The following ZNF462 variants were observed in gnomAD, a reference collection of about 807,000 sequenced individuals.
ZNF462 encodes the protein zinc finger PBX1-interacting protein.
Under a neutral mutation model 201.9 loss-of-function variants are expected in ZNF462, and 10 were observed. That is an observed-to-expected ratio of 0.05 (90% CI 0.03 to 0.08). ZNF462 has a LOEUF of 0.08. Ranked by LOEUF, ZNF462 falls within the 10% of genes least tolerant of loss-of-function variation. ZNF462 has a pLI of 1.00. For synonymous variants in ZNF462, 1,227 were observed against 1,193.3 expected (o/e 1.03, Z -0.58); for missense variants, 2,523 against 3,168.3 (o/e 0.80, Z 4.89).
chr9:107,012,576 T>G lies in ZNF462; in HGVS notation c.*1546T>G, dbSNP rs1458477366. ...ATGTTCTGATTGTGAACAAAGGGTTTCGTTCCAAAAAATAGAAAAGAACTT... is the reference window on the plus strand; with the variant it reads ...ATGTTCTGATTGTGAACAAAGGGTTGCGTTCCAAAAAATAGAAAAGAACTT... On this transcript the variant is annotated 3_prime_UTR_variant, in exon 13 of 13. Coordinates refer to ENST00000277225, the MANE Select transcript of ZNF462 (RefSeq NM_021224.6). 3.3e-5 allele frequency: 5 copies of G among 151,652 alleles called. No individual in the cohort carries two copies. Among genetic ancestry groups the G allele is most frequent in the African/African-American group, 1.2e-4 (5 of 41,324 alleles). 9.4% of individuals were successfully genotyped at this position (151,652 alleles called of 1,614,324 possible).
In ZNF462 at chr9:106,984,590, AAC is replaced by A. The variant is rs1827689747; in HGVS notation, c.7056+185_7056+186del. On this transcript the variant is annotated intron_variant, in intron 10 of 12. Transcript: ENST00000277225. This position sits in a 1 kb window ranked among gnomAD's most constrained non-coding sequence, Gnocchi z 6.4. ...GTAAGGTCATTTTTAAAAATTGCGA[AAC>A]ACAGGTTGGGTGGAAGGGAAATCAC... Among the ~76,000 whole-genome samples the A allele has an allele frequency of 6.6e-6, 1 of 152,176 alleles. No individual in the cohort carries two copies. Among genetic ancestry groups the A allele is most frequent in the Non-Finnish European group, 1.5e-5 (1 of 68,032 alleles).
chr9:106,949,097 A>C (rs1239534550), intron 7 of ZNF462, among the ~76,000 whole-genome samples: 4 of 152,230 alleles, frequency 2.6e-5, no homozygotes, highest in Non-Finnish European at 5.9e-5. Flanking sequence ...GTTCAGAGTA[A>C]TGGGCTAGAA....
chr9:106,927,136 G>A lies in ZNF462; in HGVS notation c.3224G>A (p.Gly1075Asp). The change falls in exon 3 of 13, where the codon GGC becomes GAC. Residue 1075 changes from glycine to aspartate, a missense_variant. Gly to Asp is a moderately conservative substitution (Grantham distance 94). Coordinates refer to ENST00000277225, the MANE Select transcript of ZNF462 (RefSeq NM_021224.6). ...ATGCGAATGGTGTCTGTGGACAGGG[G>A]CTCTGCCCTTTCTCAATTATCATTT... ...KTMRMVSVDR[G>D]SALSQLSFEV... 2 of 1,614,120 alleles carry A rather than the reference G, an allele frequency of 1.2e-6. No homozygotes were observed. The highest frequency in any genetic ancestry group is 1.7e-6 in the Non-Finnish European group (2 of 1,180,026).
intron 1 of ZNF462, among the ~76,000 whole-genome samples, chr9:106,910,253 T>C (rs888241840): frequency 1.3e-5 from 2 of 152,088 alleles, no homozygotes; most frequent in African/African-American, 4.8e-5. Flanking sequence ...ATAGAATCTC[T>C]GTTAATTGTT....
rs990425820 is a variant in ZNF462, at chr9:106,970,802, C to T, written c.6428-1203C>T. On this transcript the variant is annotated intron_variant, in intron 7 of 12. Coordinates refer to ENST00000277225, the MANE Select transcript of ZNF462 (RefSeq NM_021224.6). The surrounding 1 kb of genome is among the most constrained non-coding windows in gnomAD (Gnocchi z 4.2). ...CCTTTTACTTTTCCTCTCCCCCAAC[C>T]CCTTTATTTATTTATTTTTACTTTT... Among the ~76,000 whole-genome samples the T allele has an allele frequency of 2.0e-5, 3 of 151,458 alleles. No homozygotes were observed. Among genetic ancestry groups the T allele is most frequent in the Non-Finnish European group, 4.4e-5 (3 of 67,964 alleles).
At chr9:106,983,083 G>A (rs1827568428) in intron 9 of ZNF462, among the ~76,000 whole-genome samples, 1 of 152,170 alleles carries the variant, frequency 6.6e-6, no homozygotes, top group African/African-American at 2.4e-5. Flanking sequence ...TGCTATATTT[G>A]ATTCTTGCAT....
At chr9:106,976,895 G>GTT (rs1564146251) in intron 9 of ZNF462, among the ~76,000 whole-genome samples, 1 of 152,144 alleles carries the variant, frequency 6.6e-6, no homozygotes. Flanking sequence ...TGTCTAGTAA[G>GTT]TAATCCAGCT....
chr9:106,899,261 T>G (rs2131157495), intron 1 of ZNF462, among the ~76,000 whole-genome samples: 5 of 126,904 alleles, frequency 3.9e-5, no homozygotes, highest in Admixed American at 9.1e-5. Context: ...GGTGTGTGCA[T>G]GCATGCATGT....
At chr9:106,973,272 C>A (rs1327852859) in intron 8 of ZNF462, among the ~76,000 whole-genome samples, 1 of 151,940 alleles carries the variant, frequency 6.6e-6, no homozygotes, top group African/African-American at 2.4e-5. Flanking sequence ...ACATGCTTCA[C>A]ACCGAGAGGC....
Position 106,984,216 on chromosome 9 carries a change from G to A in ZNF462, c.6863G>A (p.Arg2288Gln), listed in dbSNP as rs1399589191. The A allele has an allele frequency of 4.3e-6, 7 of 1,613,768 alleles. No individual in the cohort carries two copies. The highest frequency in any genetic ancestry group is 1.3e-5 in the African/African-American group (1 of 74,850). Residue 2288 changes from arginine to glutamine, a missense_variant, in exon 10 of 13, where the codon CGG becomes CAG. Physicochemically the swap from Arg to Gln is conservative, Grantham distance 43. Transcript: ENST00000277225. This position sits in a 1 kb window ranked among gnomAD's most constrained non-coding sequence, Gnocchi z 6.4. ...EERVVPIEVC[R>Q]SKLSKYLQGV... ...CGTGTTGTCCCCATTGAAGTTTGCC[G>A]GTCCAAACTGTCCAAATACTTGCAG...
chr9:106,914,846 T>C (rs912751271), intron 1 of ZNF462, among the ~76,000 whole-genome samples: 2 of 151,912 alleles, frequency 1.3e-5, no homozygotes, highest in African/African-American at 2.4e-5. Flanking sequence ...GGGTTGGGAG[T>C]GGTGGCTAAG....
chr9:106,869,451 C>A (rs1300392355), intron 1 of ZNF462, among the ~76,000 whole-genome samples: 2 of 152,184 alleles, frequency 1.3e-5, no homozygotes, highest in Non-Finnish European at 2.9e-5. Context: ...CAATGGGTTT[C>A]CACTTCTGTC....
Position 106,927,204 on chromosome 9 carries a change from T to TTG in ZNF462, c.3292_3293insTG (p.Ser1098LeufsTer44). ...GTCTCCCAAAATGTCCAACATGGGT[T>TTG]CCCCACCCCCCCCACAACCCCCGCC... On this transcript the variant is annotated frameshift_variant, in exon 3 of 13. Transcript: ENST00000277225. LOFTEE classifies it high-confidence loss of function. The TTG allele has an allele frequency of 6.4e-7, 1 of 1,570,626 alleles. No individual in the cohort carries two copies. The highest frequency in any genetic ancestry group is 8.7e-7 in the Non-Finnish European group (1 of 1,149,974).
chr9:107,009,465 G>A lies in ZNF462; in HGVS notation c.7190-80G>A, dbSNP rs981912493. On this transcript the variant is annotated intron_variant, in intron 11 of 12. Coordinates refer to ENST00000277225, the MANE Select transcript of ZNF462 (RefSeq NM_021224.6). The surrounding 1 kb of genome is among the most constrained non-coding windows in gnomAD (Gnocchi z 6.1). ...GCTTTATCAGTGAAGGTAGGAGAGA[G>A]GGTATCCTAATGAATGCTGACTTAC... 3.8e-6 allele frequency: 6 copies of A among 1,569,606 alleles called. No individual in the cohort carries two copies. The African/African-American group carries it at 6.7e-5, about 18-fold the overall frequency.
chr9:106,904,984 G>T (rs569958900), intron 1 of ZNF462, among the ~76,000 whole-genome samples: 1 of 152,220 alleles, frequency 6.6e-6, no homozygotes, highest in African/African-American at 2.4e-5. Flanking sequence ...TTGTGGGGGG[G>T]TGTTGAAGAG....
At chr9:106,904,558 T>A (rs1350467068) in intron 1 of ZNF462, among the ~76,000 whole-genome samples, 2 of 152,212 alleles carry the variant, frequency 1.3e-5, no homozygotes, top group Non-Finnish European at 2.9e-5. Context: ...CTTCCTCAGG[T>A]ACACTGATTA....
Position 106,924,704 on chromosome 9 carries a change from G to A in ZNF462, c.792G>A (p.Lys264=). The change falls in exon 3 of 13, where the codon AAG becomes AAA. Residue 264 remains lysine (K), a synonymous_variant. Transcript: ENST00000277225. The surrounding 1 kb of genome is among the most constrained non-coding windows in gnomAD (Gnocchi z 6.2). ...AACGCTGGTGTGACCACATGATGAA[G>A]AAACACCGCAGTATGGTCAAGATCC... ...RRERWCDHMM[K]KHRSMVKILS... is the part of the protein sequence containing the mutation. 6.2e-7 allele frequency: 1 copy of A among 1,613,960 alleles called. No individual in the cohort carries two copies. Among genetic ancestry groups the A allele is most frequent in the East Asian group, 2.2e-5 (1 of 44,856 alleles).
At position 106,924,911 on chromosome 9, in the gene ZNF462, T is replaced by C. The variant is rs1339836453; in HGVS notation, c.999T>C (p.Ser333=). ...SMGNSIMRPN[S]SASKFSPMSY... ...GCAACTCCATCATGAGACCCAATTCTTCAGCTTCCAAGTTTTCGCCCATGT... is the reference window on the plus strand; with the variant it reads ...GCAACTCCATCATGAGACCCAATTCCTCAGCTTCCAAGTTTTCGCCCATGT... The change falls in exon 3 of 13, where the codon TCT becomes TCC. Residue 333 remains serine (S), a synonymous_variant. Coordinates refer to ENST00000277225, the MANE Select transcript of ZNF462 (RefSeq NM_021224.6). This position sits in a 1 kb window ranked among gnomAD's most constrained non-coding sequence, Gnocchi z 6.2. 6.2e-7 allele frequency: 1 copy of C among 1,614,176 alleles called. No homozygotes were observed. Among genetic ancestry groups the C allele is most frequent in the Non-Finnish European group, 8.5e-7 (1 of 1,180,038 alleles).
chr9:106,924,536 G>A lies in ZNF462; in HGVS notation c.624G>A (p.Pro208=), dbSNP rs150691671. The change falls in exon 3 of 13, where the codon CCG becomes CCA. Residue 208 remains proline, a synonymous_variant. Transcript: ENST00000277225. The surrounding 1 kb of genome is among the most constrained non-coding windows in gnomAD (Gnocchi z 6.2). ...CTCCAATGCCAGACCCTGTGGTTCC[G>A]CCCGTATCACTGCAGGACCCCTGCA... ...APAPMPDPVV[P]PVSLQDPCKE... 96 of 1,613,988 alleles carry A rather than the reference G, an allele frequency of 5.9e-5. No homozygotes were observed. Among genetic ancestry groups the A allele is most frequent in the South Asian group, 2.4e-4 (22 of 91,048 alleles).
Sources: gnomAD v4.1 joint callset for allele counts (sites outside exome capture counted in the v4.1 genomes callset) on GRCh38, gnomAD v4.1.1 for gene constraint, Gnocchi (gnomAD v3.1) non-coding constraint, MANE v1.5 for transcripts, NCBI Gene and HGNC (gene_info 2026-07-23, HGNC 2026-07-21) for gene names.